CAPZB: variants seen among roughly 807,000 people sequenced by gnomAD.
CAPZB encodes F-actin-capping protein subunit beta.
CAPZB carries 2 observed loss-of-function variants against 38.1 expected under a neutral mutation model. The observed-to-expected ratio is 0.05, with a 90% CI of 0.02 to 0.17. The LOEUF (loss-of-function observed/expected upper bound fraction) is 0.17, where lower values mean the gene tolerates loss of function less well. CAPZB is among the 10% of genes least tolerant of loss of function. CAPZB has a pLI of 1.00. For missense variants in CAPZB, 161 were observed against 334.2 expected (o/e 0.48, Z 4.04); for synonymous variants, 107 against 127.4 (o/e 0.84, Z 1.08).
At chr1:19,480,861 G>A (rs1009434216) in intron 1 of CAPZB, among the ~76,000 whole-genome samples, 3 of 152,182 alleles carry the variant, frequency 2.0e-5, no homozygotes, top group Non-Finnish European at 2.9e-5. Flanking sequence ...AGTACGGAGT[G>A]GAGAAAAACG....
chr1:19,466,404 C>G (rs1426857319), intron 1 of CAPZB, among the ~76,000 whole-genome samples: 1 of 152,192 alleles, frequency 6.6e-6, no homozygotes, highest in Non-Finnish European at 1.5e-5. Context: ...TGTTCCTGAG[C>G]TGCAACGTTT....
chr1:19,464,493 G>A (rs1469920958), intron 1 of CAPZB, among the ~76,000 whole-genome samples: 5 of 151,714 alleles, frequency 3.3e-5, no homozygotes, highest in East Asian at 2.0e-4. Flanking sequence ...GGGTTTCACC[G>A]TTGTTAGCCA....
At chr1:19,429,547 T>C (rs193231484) in intron 1 of CAPZB, among the ~76,000 whole-genome samples, 60 of 152,304 alleles carry the variant, frequency 3.9e-4, no homozygotes, top group Non-Finnish European at 7.1e-4. Flanking sequence ...CGGTACTGTC[T>C]ACCTCACGGG....
chr1:19,349,103 A>G (rs993155253), intron 6 of CAPZB, among the ~76,000 whole-genome samples: 2 of 152,116 alleles, frequency 1.3e-5, no homozygotes, highest in Non-Finnish European at 2.9e-5. Context: ...CTGGAACATC[A>G]TCTTTATCTG....
intron 2 of CAPZB, among the ~76,000 whole-genome samples, chr1:19,416,860 CAAAAAAAA>C (rs59789230): frequency 0.012 from 815 of 69,434 alleles, 25 homozygotes; most frequent in Middle Eastern, 0.042. Context: ...GACCCTGTCT[CAAAAAAAA>C]AAAAAAAAAA....
intron 1 of CAPZB, among the ~76,000 whole-genome samples, chr1:19,466,887 A>C (rs2094570745): frequency 6.6e-6 from 1 of 152,170 alleles, no homozygotes; most frequent in Non-Finnish European, 1.5e-5. Context: ...TAGCGGTGTT[A>C]GGCTCAGGCC....
rs878896497 is a variant in CAPZB at position 19,485,437 on chromosome 1, A to ATGG, written c.-2_1dup (p.Cys1_?0). ...GGGAGGGGGCCGTGCGGCCTTTACCATGGTGGCGGCGGCGGCGGCGGTCCC... is the reference window on the plus strand; with the variant it reads ...GGGAGGGGGCCGTGCGGCCTTTACCATGGTGGTGGCGGCGGCGGCGGCGGTCCC... On this transcript the variant is annotated start_lost and splice_region_variant and start_retained_variant, in exon 1 of 9. Transcript: ENST00000264202. 3.3e-6 allele frequency: 4 copies of ATGG among 1,229,994 alleles called. No homozygotes were observed. Among genetic ancestry groups the ATGG allele is most frequent in the Non-Finnish European group, 4.1e-6 (4 of 987,508 alleles). 76.2% of individuals were successfully genotyped at this position (1,229,994 alleles called of 1,614,324 possible).
In CAPZB at chr1:19,419,718, T is replaced by G; in HGVS notation, c.36A>C (p.Leu12=). ...SDQQLDCALD[L]MRRLPPQQIE... ...TTTGCTGGGGAGGCAGGCGCCTCATTAGGTCCAAGGCACAGTCCAGCTGCT... is the reference window on the plus strand; with the variant it reads ...TTTGCTGGGGAGGCAGGCGCCTCATGAGGTCCAAGGCACAGTCCAGCTGCT... Residue 12 remains leucine (L), a synonymous_variant, in exon 2 of 9, where the codon CTA becomes CTC. Coordinates refer to ENST00000264202, the MANE Select transcript of CAPZB (RefSeq NM_004930.5). 1 of 1,593,684 alleles carries G rather than the reference T, an allele frequency of 6.3e-7. No individual in the cohort carries two copies. Among genetic ancestry groups the G allele is most frequent in the Non-Finnish European group, 8.6e-7 (1 of 1,168,574 alleles).
At chr1:19,343,172 T>C (rs2093941874) in intron 8 of CAPZB, among the ~76,000 whole-genome samples, 2 of 152,170 alleles carry the variant, frequency 1.3e-5, no homozygotes, top group African/African-American at 4.8e-5. Flanking sequence ...TATCGGGCAG[T>C]GGCTGCCAGT....
At chr1:19,438,783 C>T (rs1363361590) in intron 1 of CAPZB, among the ~76,000 whole-genome samples, 3 of 152,184 alleles carry the variant, frequency 2.0e-5, no homozygotes, top group African/African-American at 7.2e-5. Flanking sequence ...AGGGGTGCAA[C>T]GAAGGCAAGG....
intron 6 of CAPZB, among the ~76,000 whole-genome samples, chr1:19,350,224 C>T (rs971639911): frequency 2.0e-5 from 3 of 152,282 alleles, no homozygotes; most frequent in African/African-American, 7.2e-5. Context: ...GGGCCCCACT[C>T]ACCGGCGCTG....
At chr1:19,381,904 C>T (rs906214150) in intron 3 of CAPZB, among the ~76,000 whole-genome samples, 1 of 152,078 alleles carries the variant, frequency 6.6e-6, no homozygotes, top group Non-Finnish European at 1.5e-5. Flanking sequence ...AAGATGCTGT[C>T]GCCATGATTT....
chr1:19,426,239 G>C (rs1266028900), intron 1 of CAPZB, among the ~76,000 whole-genome samples: 2 of 152,234 alleles, frequency 1.3e-5, no homozygotes, highest in African/African-American at 4.8e-5. Flanking sequence ...TATAGGTAAG[G>C]CATCTGTGCC....
At chr1:19,419,950 C>G in intron 1 of CAPZB, 200 bp from the exon 2 acceptor site, 1 of 530,106 alleles carries the variant, frequency 1.9e-6, no homozygotes, top group South Asian at 2.6e-5. Flanking sequence ...ACAGCAGTCT[C>G]TGTCTCAAGT....
intron 1 of CAPZB, 31 bp downstream of exon 1, chr1:19,485,405 C>CGGGCCGGG: frequency 8.2e-7 from 1 of 1,226,936 alleles, no homozygotes; most frequent in Non-Finnish European, 1.0e-6. Context: ...GAGGGGCCCC[C>CGGGCCGGG]GGGCCGGGGA....
intron 1 of CAPZB, among the ~76,000 whole-genome samples, chr1:19,480,538 G>A (rs1217337699): frequency 6.6e-6 from 1 of 152,186 alleles, no homozygotes; most frequent in African/African-American, 2.4e-5. Flanking sequence ...GCCAGTGCAA[G>A]GTGTGGGGTA....
chr1:19,348,573 C>G (rs1170190690), intron 6 of CAPZB, among the ~76,000 whole-genome samples: 1 of 151,988 alleles, frequency 6.6e-6, no homozygotes, highest in Non-Finnish European at 1.5e-5. Context: ...CTGCTGTCTG[C>G]CAGGGGAACA....
At chr1:19,454,937 A>G (rs1021085928) in intron 1 of CAPZB, among the ~76,000 whole-genome samples, 6 of 152,260 alleles carry the variant, frequency 3.9e-5, no homozygotes, top group African/African-American at 1.4e-4. Context: ...AAGGAAAGAT[A>G]AACTCTTGGT....
At chr1:19,386,511 G>A (rs1039307402) in intron 2 of CAPZB, among the ~76,000 whole-genome samples, 3 of 152,294 alleles carry the variant, frequency 2.0e-5, no homozygotes, top group African/African-American at 4.8e-5. Context: ...CCAGGAAAGT[G>A]CCTGCCAGTT....
Sources: allele counts gnomAD v4.1 joint callset (sites outside exome capture counted in the v4.1 genomes callset), GRCh38; gene constraint gnomAD v4.1.1; transcripts MANE v1.5; gene names NCBI Gene and HGNC (gene_info 2026-07-23, HGNC 2026-07-21).